The following AP2B1 variants were observed in gnomAD, a reference collection of about 807,000 sequenced individuals.
AP2B1 encodes adaptor related protein complex 2 subunit beta 1, also known as AP-2 complex subunit beta.
In AP2B1, 23 loss-of-function variants were observed where a neutral mutation model predicts 102.0. The ratio of observed to expected loss-of-function variants is 0.23; its 90% CI spans 0.16 to 0.32. AP2B1 has a LOEUF of 0.32. AP2B1 is among the 10% of genes least tolerant of loss of function. The pLI, the probability that AP2B1 is intolerant of heterozygous loss-of-function variation, is 1.00. For missense variants in AP2B1, 541 were observed against 1,157.4 expected, an observed-to-expected ratio of 0.47 and a Z score of 7.73; for synonymous variants, 381 against 421.2, an observed-to-expected ratio of 0.90 and a Z score of 1.17.
rs565985289 is a variant in AP2B1, at chr17:35,649,559, C to T, written c.1537-971C>T. Among the ~76,000 whole-genome samples, 9 of 152,172 alleles carry T rather than the reference C, an allele frequency of 5.9e-5. No individual in the cohort carries two copies. The East Asian group carries it at 1.5e-3, about 26-fold the overall frequency. On this transcript the variant is annotated intron_variant, in intron 12 of 21. Transcript: ENST00000610402. ...TGCTGGGATTACAGGCGTAAGCCAC[C>T]GCGCCCGGCCCTAGTTTAAAAAATT...
chr17:35,636,555 C>G (rs892903164), intron 10 of AP2B1, 99 bp downstream of exon 10: 16 of 870,634 alleles, frequency 1.8e-5, no homozygotes, highest in Non-Finnish European at 2.9e-5. Context: ...TTGAATGTTC[C>G]TGGTCATAAT....
chr17:35,603,859 A>G (rs924143490), intron 3 of AP2B1, among the ~76,000 whole-genome samples: 1 of 152,196 alleles, frequency 6.6e-6, no homozygotes, highest in African/African-American at 2.4e-5. Context: ...CAGCAGCTCT[A>G]CTGGAGCCAC....
intron 18 of AP2B1, among the ~76,000 whole-genome samples, chr17:35,684,780 C>T (rs1159970138): frequency 6.6e-6 from 1 of 152,084 alleles, no homozygotes; most frequent in Non-Finnish European, 1.5e-5. Flanking sequence ...GAGCCTCAAG[C>T]CTAATATTTG....
chr17:35,616,491 A>T lies in AP2B1; in HGVS notation c.526-7906A>T, dbSNP rs139452478. Among the ~76,000 whole-genome samples, 5 of 152,306 alleles carry T rather than the reference A, an allele frequency of 3.3e-5. No individual in the cohort carries two copies. The East Asian group carries it at 7.7e-4, about 24-fold the overall frequency. ...CCAAAATACCTCATTTTTTAGAGGAACAATTTTAAATTTACAGAAAAGTTA... is the reference window on the plus strand; with the variant it reads ...CCAAAATACCTCATTTTTTAGAGGATCAATTTTAAATTTACAGAAAAGTTA... On this transcript the variant is annotated intron_variant, in intron 5 of 21. Transcript: ENST00000610402.
At chr17:35,694,148 A>AG (rs2076093512) in intron 18 of AP2B1, among the ~76,000 whole-genome samples, 1 of 152,200 alleles carries the variant, frequency 6.6e-6, no homozygotes, top group South Asian at 2.1e-4. Flanking sequence ...GTCTTCTATG[A>AG]CATATTAAAT....
intron 14 of AP2B1, 80 bp downstream of exon 14, chr17:35,657,871 T>G: frequency 7.5e-7 from 1 of 1,337,688 alleles, no homozygotes; most frequent in South Asian, 1.4e-5. Context: ...TTCAGCTTTT[T>G]AGAACTAGAC....
chr17:35,666,908 G>A (rs2075479666), intron 14 of AP2B1, among the ~76,000 whole-genome samples: 1 of 152,180 alleles, frequency 6.6e-6, no homozygotes, highest in African/African-American at 2.4e-5. Context: ...GGCTGAGGTG[G>A]GAGAATCGCT....
intron 21 of AP2B1, among the ~76,000 whole-genome samples, chr17:35,718,940 A>G (rs370886111): frequency 2.0e-5 from 3 of 152,276 alleles, no homozygotes; most frequent in African/African-American, 7.2e-5. Context: ...TGGTAGGTGA[A>G]TTTTGTTTAG....
At chr17:35,708,673 TA>T (rs1288121418) in intron 18 of AP2B1, among the ~76,000 whole-genome samples, 3 of 151,990 alleles carry the variant, frequency 2.0e-5, no homozygotes, top group Admixed American at 6.6e-5. Flanking sequence ...TTTAAAAAAA[TA>T]AAAAATAAGA....
intron 5 of AP2B1, among the ~76,000 whole-genome samples, chr17:35,619,767 T>C (rs2142510931): frequency 6.6e-6 from 1 of 152,086 alleles, no homozygotes; most frequent in Middle Eastern, 3.4e-3. Context: ...GAATAAAGGA[T>C]TTTTTTTAGT....
intron 5 of AP2B1, among the ~76,000 whole-genome samples, chr17:35,613,413 T>G (rs1346354921): frequency 6.6e-6 from 1 of 152,086 alleles, no homozygotes; most frequent in East Asian, 1.9e-4. Context: ...TTGTTTCCTG[T>G]GTTTTGCAGA....
intron 18 of AP2B1, among the ~76,000 whole-genome samples, chr17:35,701,976 GTA>G (rs2076247855): frequency 6.6e-6 from 1 of 152,136 alleles, no homozygotes; most frequent in Admixed American, 6.5e-5. Context: ...CAGAAACTTT[GTA>G]TAGTTTATTT....
At chr17:35,689,343 C>T (rs2075997109) in intron 18 of AP2B1, among the ~76,000 whole-genome samples, 1 of 152,090 alleles carries the variant, frequency 6.6e-6, no homozygotes, top group African/African-American at 2.4e-5. Context: ...CCATACCTAG[C>T]TAATTTTTGT....
chr17:35,600,225 G>T (rs1368203190), intron 3 of AP2B1, among the ~76,000 whole-genome samples: 1 of 152,026 alleles, frequency 6.6e-6, no homozygotes, highest in Non-Finnish European at 1.5e-5. Context: ...GGGATTACAG[G>T]CGTGCACCAC....
At chr17:35,636,480 T>A (rs1476937256) in intron 10 of AP2B1, 24 bp downstream of exon 10, 2 of 1,560,848 alleles carry the variant, frequency 1.3e-6, no homozygotes, top group African/African-American at 2.7e-5. Flanking sequence ...CCTTTACCCC[T>A]CTTTCTCAAA....
intron 14 of AP2B1, among the ~76,000 whole-genome samples, chr17:35,667,680 G>A (rs753601592): frequency 1.3e-5 from 2 of 152,118 alleles, no homozygotes; most frequent in Non-Finnish European, 2.9e-5. Flanking sequence ...TTTTCTCAAT[G>A]CCTTTTATTG....
At chr17:35,720,571 ATAT>A (rs1161876282) in intron 21 of AP2B1, among the ~76,000 whole-genome samples, 10 of 44,194 alleles carry the variant, frequency 2.3e-4, no homozygotes, top group African/African-American at 6.7e-4. Context: ...ATATATATAT[ATAT>A]TTTTTTTTTT....
chr17:35,620,591 G>T (rs2074147454), intron 5 of AP2B1, among the ~76,000 whole-genome samples: 1 of 152,152 alleles, frequency 6.6e-6, no homozygotes, highest in South Asian at 2.1e-4. Flanking sequence ...AAACTGGGAG[G>T]ATTATTTGAG....
intron 19 of AP2B1, among the ~76,000 whole-genome samples, chr17:35,709,623 T>G (rs2076408647): frequency 6.6e-6 from 1 of 152,198 alleles, no homozygotes; most frequent in Non-Finnish European, 1.5e-5. Context: ...GTGTGACTGG[T>G]CAAGGTGATA....
Sources: allele counts gnomAD v4.1 joint callset (sites outside exome capture counted in the v4.1 genomes callset), GRCh38; gene constraint gnomAD v4.1.1; transcripts MANE v1.5; gene names NCBI Gene and HGNC (gene_info 2026-07-23, HGNC 2026-07-21).